The following GRM8 variants were observed in gnomAD, a reference collection of about 807,000 sequenced individuals.
GRM8 encodes the protein glutamate metabotropic receptor 8.
A neutral mutation model predicts 87.2 loss-of-function variants in GRM8; 47 were observed. That is an observed-to-expected ratio of 0.54 (90% CI 0.43 to 0.69). The LOEUF is 0.69. GRM8 is among the 30% of genes least tolerant of loss of function. The pLI, the probability that GRM8 is intolerant of heterozygous loss-of-function variation, is 0.00. For missense variants in GRM8, 1,019 were observed against 1,139.2 expected (o/e 0.89, Z 1.52); for synonymous variants, 396 against 404.5 (o/e 0.98, Z 0.25).
At chr7:126,653,706 T>G (rs1804193516) in intron 7 of GRM8, among the ~76,000 whole-genome samples, 1 of 152,152 alleles carries the variant, frequency 6.6e-6, no homozygotes, top group African/African-American at 2.4e-5. Flanking sequence ...TCCAGGGCAA[T>G]TAATCTGGAA....
intron 6 of GRM8, among the ~76,000 whole-genome samples, chr7:126,804,982 C>A (rs1361746731): frequency 2.0e-5 from 3 of 152,188 alleles, no homozygotes; most frequent in African/African-American, 7.2e-5. Flanking sequence ...GGTCCTCTTA[C>A]CACTCAATAT....
chr7:127,181,470 A>C (rs191266213), intron 2 of GRM8, among the ~76,000 whole-genome samples: 2 of 152,160 alleles, frequency 1.3e-5, no homozygotes, highest in Admixed American at 1.3e-4. Flanking sequence ...TACCACCATC[A>C]TTCTTCACAG....
chr7:126,612,947 A>G (rs555262808), intron 7 of GRM8, among the ~76,000 whole-genome samples: 2 of 152,330 alleles, frequency 1.3e-5, no homozygotes, highest in African/African-American at 4.8e-5. Flanking sequence ...AAACTTTGAC[A>G]TATCTGTGAA....
intron 6 of GRM8, among the ~76,000 whole-genome samples, chr7:126,884,707 C>A (rs1800328977): frequency 6.6e-6 from 1 of 152,108 alleles, no homozygotes; most frequent in African/African-American, 2.4e-5. Context: ...AAAGGATTAT[C>A]CAGTGCCTTC....
At chr7:127,059,331 C>CTTTT (rs10618329) in intron 3 of GRM8, among the ~76,000 whole-genome samples, 5 of 130,592 alleles carry the variant, frequency 3.8e-5, no homozygotes, top group Non-Finnish European at 4.9e-5. Flanking sequence ...TTTTTTTTTG[C>CTTTT]TTTTTTTTTT....
intron 7 of GRM8, among the ~76,000 whole-genome samples, chr7:126,617,368 G>C (rs1799616691): frequency 6.6e-6 from 1 of 152,048 alleles, no homozygotes; most frequent in African/African-American, 2.4e-5. Context: ...GTATTGATGG[G>C]ATGTATCTCA....
At chr7:126,791,430 T>G (rs901949800) in intron 6 of GRM8, among the ~76,000 whole-genome samples, 6 of 152,206 alleles carry the variant, frequency 3.9e-5, no homozygotes, top group Non-Finnish European at 8.8e-5. Context: ...TGAGGCAGCT[T>G]TCCCAGACTG....
intron 3 of GRM8, among the ~76,000 whole-genome samples, chr7:127,100,627 G>A (rs918311292): frequency 4.6e-5 from 7 of 152,148 alleles, no homozygotes; most frequent in East Asian, 3.9e-4. Context: ...ACAAAGTCAC[G>A]TCTTACATGG....
intron 3 of GRM8, among the ~76,000 whole-genome samples, chr7:127,005,194 G>T (rs1403193786): frequency 6.6e-6 from 1 of 150,404 alleles, no homozygotes; most frequent in Non-Finnish European, 1.5e-5. Flanking sequence ...AGCCCAACTG[G>T]GCTACTGTTA....
chr7:126,847,738 G>A (rs534928649), intron 6 of GRM8, among the ~76,000 whole-genome samples: 3 of 152,180 alleles, frequency 2.0e-5, no homozygotes, highest in Non-Finnish European at 2.9e-5. Flanking sequence ...TCAGAAGTTA[G>A]GCAACTTTGC....
chr7:126,471,018 G>A (rs1301475480), intron 9 of GRM8, among the ~76,000 whole-genome samples: 12 of 152,198 alleles, frequency 7.9e-5, no homozygotes, highest in African/African-American at 2.2e-4. Context: ...CATGTCCTTC[G>A]CCCACTTTTT....
chr7:127,037,760 C>T (rs1817980335), intron 3 of GRM8, among the ~76,000 whole-genome samples: 1 of 152,148 alleles, frequency 6.6e-6, no homozygotes, highest in Non-Finnish European at 1.5e-5. Context: ...CCCTGCAGAA[C>T]ACAGGATCAC....
Position 127,060,192 on chromosome 7 carries a change from CT to C in GRM8, c.727+46303del, listed in dbSNP as rs536377591. On this transcript the variant is annotated intron_variant, in intron 3 of 10. Transcript: ENST00000339582. ...TTTCAAACAAGTTTCTAAAATGTCA[CT>C]TTTAAGCTAGACAAACACATATCTT... is the stretch of plus-strand genomic sequence containing the variant. Among the ~76,000 whole-genome samples the C allele has an allele frequency of 1.2e-3, 185 of 152,288 alleles. 1 individual carries two copies. Among genetic ancestry groups the C allele is most frequent in the African/African-American group, 4.3e-3 (180 of 41,580 alleles).
intron 2 of GRM8, among the ~76,000 whole-genome samples, chr7:127,197,597 C>CAA (rs542427990): frequency 2.1e-4 from 30 of 142,410 alleles, no homozygotes; most frequent in Admixed American, 2.8e-4. Context: ...ACATGTCTGT[C>CAA]AAAAAAAAAA....
intron 8 of GRM8, 120 bp downstream of exon 8, chr7:126,609,242 T>C: frequency 3.1e-6 from 2 of 646,364 alleles, no homozygotes; most frequent in South Asian, 3.1e-5. Flanking sequence ...AATCAAGTCA[T>C]ACATTTTCTA....
rs559057486 is a variant in GRM8, at chr7:127,047,342, C to T, written c.727+59154G>A. Among the ~76,000 whole-genome samples, 146 of 152,280 alleles carry T rather than the reference C, an allele frequency of 9.6e-4. 1 individual carries two copies. The highest frequency in any genetic ancestry group is 3.5e-3 in the African/African-American group (144 of 41,574). The stretch of plus-strand genomic sequence containing the variant: ...ATTAAACTGCTCTTGTTACAACTTT[C>T]ACTCTAAATTGAGGGGTTAGTGAAT... On this transcript the variant is annotated intron_variant, in intron 3 of 10. Coordinates refer to ENST00000339582, the MANE Select transcript of GRM8 (RefSeq NM_000845.3).
chr7:126,655,114 ATG>A (rs1804362904), intron 7 of GRM8, among the ~76,000 whole-genome samples: 1 of 152,250 alleles, frequency 6.6e-6, no homozygotes, highest in Non-Finnish European at 1.5e-5. Context: ...CAGGAAGAAA[ATG>A]TGATTGATTC....
At chr7:126,763,107 A>AC (rs59761737) in intron 7 of GRM8, among the ~76,000 whole-genome samples, 3,148 of 150,056 alleles carry the variant, frequency 0.021, 110 homozygotes, top group African/African-American at 0.072. Flanking sequence ...TTGACACAAC[A>AC]CCCCCCCAAT....
At chr7:126,667,271 T>C (rs946197557) in intron 7 of GRM8, among the ~76,000 whole-genome samples, 1 of 152,236 alleles carries the variant, frequency 6.6e-6, no homozygotes, top group Non-Finnish European at 1.5e-5. Flanking sequence ...GTTAATATGA[T>C]ACTTGAATAG....
Sources: gnomAD v4.1 joint callset for allele counts (sites outside exome capture counted in the v4.1 genomes callset) on GRCh38, gnomAD v4.1.1 for gene constraint, MANE v1.5 for transcripts, NCBI Gene and HGNC (gene_info 2026-07-23, HGNC 2026-07-21) for gene names.